Variants in ATP2C1 observed in about 807,000 individuals in gnomAD.
ATP2C1 encodes the protein calcium-transporting ATPase type 2C member 1.
Under a neutral mutation model 120.5 loss-of-function variants are expected in ATP2C1, and 31 were observed. The ratio of observed to expected loss-of-function variants is 0.26; its 90% confidence interval spans 0.19 to 0.35. The LOEUF is 0.35. Ranked by LOEUF, ATP2C1 falls within the 10% of genes least tolerant of loss-of-function variation. The pLI is 1.00. For synonymous variants in ATP2C1, 351 were observed against 358.7 expected (o/e 0.98, Z 0.24); for missense variants, 731 against 1,107.5 (o/e 0.66, Z 4.83).
At chr3:130,934,256 C>T (rs374413602) in intron 4 of ATP2C1, among the ~76,000 whole-genome samples, 4 of 152,108 alleles carry the variant, frequency 2.6e-5, no homozygotes, top group African/African-American at 4.8e-5. Context: ...TTCAGTATTT[C>T]GCCCAAATTT....
chr3:130,918,259 A>G (rs1006458756), intron 2 of ATP2C1: 2 of 1,531,506 alleles, frequency 1.3e-6, no homozygotes, highest in Admixed American at 3.4e-5. Context: ...GGCCATAGCC[A>G]AATCCCTTGG....
intron 1 of ATP2C1, among the ~76,000 whole-genome samples, chr3:130,872,621 G>A (rs2068471279): frequency 6.7e-6 from 1 of 150,034 alleles, no homozygotes; most frequent in African/African-American, 2.5e-5. Context: ...GTCTTACTCT[G>A]TCACCCAAGC....
upstream of ATP2C1, among the ~76,000 whole-genome samples, chr3:130,889,549 T>C (rs1385721708): frequency 6.6e-6 from 1 of 152,124 alleles, no homozygotes; most frequent in Non-Finnish European, 1.5e-5. Flanking sequence ...CGAGCATTTC[T>C]TACAACAATT....
chr3:130,850,785 G>A, exon 1 of ATP2C1: 2 of 1,016,082 alleles, frequency 2.0e-6, no homozygotes, highest in South Asian at 2.0e-5. Context: ...TTGCTGACAA[G>A]GAGGTGCAGA....
Position 130,930,540 on chromosome 3 carries a change from G to T in ATP2C1, c.117+14G>T. ...AGCATTCTCCAAGTAAGTGGTTAGT[G>T]GGGAGGAAGGGACTAGATGGTGTAA... On this transcript the variant is annotated intron_variant, in intron 3 of 27. Coordinates refer to ENST00000510168, the MANE Select transcript of ATP2C1 (RefSeq NM_001378687.1). The T allele has an allele frequency of 6.7e-7, 1 of 1,482,782 alleles. No individual in the cohort carries two copies. Among genetic ancestry groups the T allele is most frequent in the East Asian group, 2.3e-5 (1 of 44,222 alleles). 91.9% of individuals were successfully genotyped at this position (1,482,782 alleles called of 1,614,324 possible).
intron 2 of ATP2C1, among the ~76,000 whole-genome samples, chr3:130,917,741 G>T (rs1256709790): frequency 6.6e-6 from 1 of 152,162 alleles, no homozygotes; most frequent in Non-Finnish European, 1.5e-5. Flanking sequence ...TTGTACAGCA[G>T]CTCTCTAGTG....
chr3:130,992,332 A>T (rs2062394665), intron 20 of ATP2C1, among the ~76,000 whole-genome samples: 1 of 152,202 alleles, frequency 6.6e-6, no homozygotes, highest in Admixed American at 6.5e-5. Flanking sequence ...AGCAAAGTGA[A>T]AAAGAGTAAA....
rs78938338 is a variant in ATP2C1 at position 130,966,946 on chromosome 3, G to A, written c.1123-199G>A. Among the ~76,000 whole-genome samples the A allele has an allele frequency of 0.027, 4,096 of 152,156 alleles. 184 individuals carry two copies. Among genetic ancestry groups the A allele is most frequent in the African/African-American group, 0.093 (3,867 of 41,508 alleles). On this transcript the variant is annotated intron_variant, in intron 14 of 27. Coordinates refer to ENST00000510168, the MANE Select transcript of ATP2C1 (RefSeq NM_001378687.1). ...AATGTCTTTTTAGATTAATAATTGT[G>A]ATGAGAATTAGAATCTATATTTCTT... is the stretch of plus-strand genomic sequence containing the variant.
chr3:130,889,791 G>A (rs1382323001), upstream of ATP2C1, among the ~76,000 whole-genome samples: 3 of 151,898 alleles, frequency 2.0e-5, no homozygotes, highest in Admixed American at 1.3e-4. Flanking sequence ...GACCACAGGT[G>A]TGTGCCACTG....
intron 1 of ATP2C1, among the ~76,000 whole-genome samples, chr3:130,866,953 T>A (rs977047851): frequency 6.6e-6 from 1 of 152,258 alleles, no homozygotes; most frequent in Non-Finnish European, 1.5e-5. Flanking sequence ...TCACTTCATG[T>A]CTCTGTGTCA....
At chr3:130,911,522 G>C (rs1430452496) in intron 2 of ATP2C1, among the ~76,000 whole-genome samples, 2 of 150,992 alleles carry the variant, frequency 1.3e-5, no homozygotes, top group Non-Finnish European at 3.0e-5. Flanking sequence ...TGCTTTTCTA[G>C]TTCTTTTAAT....
At chr3:130,998,202 A>G in intron 25 of ATP2C1, 92 bp from the exon 26 acceptor site, 1 of 892,184 alleles carries the variant, frequency 1.1e-6, no homozygotes, top group Non-Finnish European at 1.8e-6. Context: ...TTTCTTCCTA[A>G]TGGAAAGAAA....
chr3:130,961,048 G>T (rs1266092656), intron 12 of ATP2C1, among the ~76,000 whole-genome samples: 2 of 151,144 alleles, frequency 1.3e-5, no homozygotes, highest in East Asian at 3.9e-4. Flanking sequence ...GAAGTAAAAA[G>T]ATATTTGTGA....
At chr3:131,013,312 A>T (rs1243066657) in intron 26 of ATP2C1, among the ~76,000 whole-genome samples, 1 of 152,208 alleles carries the variant, frequency 6.6e-6, no homozygotes, top group Non-Finnish European at 1.5e-5. Context: ...GATATTTTCC[A>T]TTCTAACTTT....
At chr3:130,970,078 G>A (rs1011001388) in intron 17 of ATP2C1, among the ~76,000 whole-genome samples, 3 of 152,210 alleles carry the variant, frequency 2.0e-5, no homozygotes, top group African/African-American at 7.2e-5. Context: ...AGCACTTTGG[G>A]AGGCCAAGGC....
intron 2 of ATP2C1, among the ~76,000 whole-genome samples, chr3:130,908,886 A>G (rs1290045861): frequency 1.3e-5 from 2 of 152,138 alleles, no homozygotes; most frequent in Non-Finnish European, 2.9e-5. Context: ...ACAAATATTT[A>G]ATAGTATTTG....
chr3:130,998,471 G>T lies in ATP2C1; in HGVS notation c.2487+82G>T. ...TTCTAATAAGTAGGCAAAGATTATG[G>T]GTTTTTAGCTTTGCTTAATTTTGTA... On this transcript the variant is annotated intron_variant, in intron 26 of 27. Coordinates refer to ENST00000510168, the MANE Select transcript of ATP2C1 (RefSeq NM_001378687.1). The T allele has an allele frequency of 2.8e-6, 3 of 1,069,668 alleles. No homozygotes were observed. In the South Asian group the frequency reaches 3.8e-5, roughly 13 times the overall value. 66.3% of individuals were successfully genotyped at this position (1,069,668 alleles called of 1,614,324 possible). A position where few individuals can be genotyped will look rare whatever the true frequency, so the allele number is the denominator to read the frequency against.
chr3:130,958,005 T>G (rs2060655733), intron 11 of ATP2C1, among the ~76,000 whole-genome samples: 2 of 152,220 alleles, frequency 1.3e-5, no homozygotes. Flanking sequence ...TTCTTCCGTT[T>G]GATTATTGCT....
intron 1 of ATP2C1, among the ~76,000 whole-genome samples, chr3:130,878,690 A>G (rs2068684991): frequency 6.6e-6 from 1 of 152,162 alleles, no homozygotes; most frequent in African/African-American, 2.4e-5. Flanking sequence ...TTCTTTCAGC[A>G]CTTTGAATAT....
Sources: allele counts gnomAD v4.1 joint callset (sites outside exome capture counted in the v4.1 genomes callset), GRCh38; gene constraint gnomAD v4.1.1; transcripts MANE v1.5; gene names NCBI Gene and HGNC (gene_info 2026-07-23, HGNC 2026-07-21).